The following BBS9 variants were observed in gnomAD, a reference collection of about 807,000 sequenced individuals.
BBS9 encodes protein PTHB1.
In BBS9, 89 loss-of-function variants were observed where a neutral mutation model predicts 117.7. The ratio of observed to expected loss-of-function variants is 0.76; its 90% CI spans 0.64 to 0.90. The LOEUF (loss-of-function observed/expected upper bound fraction) is 0.90. Among genes scored for constraint, BBS9 ranks in the 40% least tolerant of loss-of-function variants. The pLI, the probability that BBS9 is intolerant of heterozygous loss-of-function variation, is 0.00. For missense variants in BBS9, 982 were observed against 1,042.2 expected (o/e 0.94, Z 0.80); for synonymous variants, 379 against 370.9 (o/e 1.02, Z -0.25).
chr7:33,502,585 C>G (rs138479149), intron 19 of BBS9, among the ~76,000 whole-genome samples: 2 of 152,276 alleles, frequency 1.3e-5, no homozygotes, highest in East Asian at 3.9e-4. Context: ...CCATGTGTGA[C>G]AGCTGGCTTG....
At chr7:33,526,961 C>T (rs1454547182) in intron 20 of BBS9, among the ~76,000 whole-genome samples, 2 of 148,082 alleles carry the variant, frequency 1.4e-5, no homozygotes, top group Non-Finnish European at 3.0e-5. Flanking sequence ...AGTTTTCCTT[C>T]TAACAGACAG....
chr7:33,302,482 A>AT (rs1806686408), intron 9 of BBS9, among the ~76,000 whole-genome samples: 1 of 152,128 alleles, frequency 6.6e-6, no homozygotes, highest in South Asian at 2.1e-4. Flanking sequence ...GTCTAGTTTC[A>AT]TTTTTTGCAT....
At chr7:33,250,358 T>A (rs1035138200) in intron 5 of BBS9, among the ~76,000 whole-genome samples, 10 of 152,224 alleles carry the variant, frequency 6.6e-5, no homozygotes, top group Admixed American at 6.5e-4. Context: ...TGTTGTTCCA[T>A]ATTTCTTACA....
At chr7:33,220,426 C>T (rs1004996346) in intron 5 of BBS9, among the ~76,000 whole-genome samples, 2 of 152,170 alleles carry the variant, frequency 1.3e-5, no homozygotes. Context: ...AGGTTATTTC[C>T]AGTCGACCCG....
intron 21 of BBS9, among the ~76,000 whole-genome samples, chr7:33,612,890 T>C (rs980441248): frequency 6.6e-6 from 1 of 152,116 alleles, no homozygotes; most frequent in African/African-American, 2.4e-5. Context: ...CCTGGTCCTC[T>C]TGAAAAGGTG....
chr7:33,426,016 T>C (rs1833608081), intron 19 of BBS9, among the ~76,000 whole-genome samples: 1 of 152,064 alleles, frequency 6.6e-6, no homozygotes, highest in South Asian at 2.1e-4. Context: ...AAATTTAGAC[T>C]AAAATAAACC....
chr7:33,418,736 G>A (rs902570815), intron 19 of BBS9, among the ~76,000 whole-genome samples: 8 of 152,172 alleles, frequency 5.3e-5, no homozygotes, highest in Admixed American at 4.6e-4. Flanking sequence ...TGCAGGAGAA[G>A]CCTTTCCCAG....
chr7:33,331,247 AT>A (rs1228326136), intron 9 of BBS9, among the ~76,000 whole-genome samples: 1 of 152,192 alleles, frequency 6.6e-6, no homozygotes, highest in East Asian at 1.9e-4. Flanking sequence ...TCTCAATAAA[AT>A]AGGCATAGAA....
chr7:33,295,721 G>T (rs538325160), intron 9 of BBS9, among the ~76,000 whole-genome samples: 3 of 151,962 alleles, frequency 2.0e-5, no homozygotes, highest in African/African-American at 7.2e-5. Flanking sequence ...GATAAATCAA[G>T]AAAAATTTAT....
intron 17 of BBS9, among the ~76,000 whole-genome samples, chr7:33,375,242 A>G (rs1035347869): frequency 6.6e-6 from 1 of 152,186 alleles, no homozygotes; most frequent in South Asian, 2.1e-4. Context: ...CCACTGAGCT[A>G]CTATTGCAAG....
intron 21 of BBS9, among the ~76,000 whole-genome samples, chr7:33,565,991 G>A (rs1226998965): frequency 6.7e-6 from 1 of 149,202 alleles, no homozygotes; most frequent in Non-Finnish European, 1.5e-5. Flanking sequence ...TTACTATTGG[G>A]GAAAAAAAAT....
At chr7:33,478,178 C>G (rs1025105279) in intron 19 of BBS9, among the ~76,000 whole-genome samples, 3 of 151,906 alleles carry the variant, frequency 2.0e-5, no homozygotes, top group African/African-American at 4.8e-5. Flanking sequence ...AGTTGTGAAC[C>G]TTTTTTTGAG....
chr7:33,296,251 A>G (rs139610555), intron 9 of BBS9, among the ~76,000 whole-genome samples: 1 of 152,292 alleles, frequency 6.6e-6, no homozygotes, highest in East Asian at 1.9e-4. Flanking sequence ...TTCTGAACAT[A>G]TCTTGGAATC....
At chr7:33,336,678 C>T in intron 10 of BBS9, 56 bp downstream of exon 10, 1 of 1,168,266 alleles carries the variant, frequency 8.6e-7, no homozygotes, top group Non-Finnish European at 1.2e-6. Flanking sequence ...TTCATATTAT[C>T]TTGTAGATAG....
chr7:33,206,570 C>T (rs1182811805), intron 5 of BBS9, among the ~76,000 whole-genome samples: 1 of 151,968 alleles, frequency 6.6e-6, no homozygotes. Context: ...GCTCTGTCTC[C>T]TTCTCTCCCT....
chr7:33,555,964 CGT>C (rs1295007578), intron 21 of BBS9, among the ~76,000 whole-genome samples: 1 of 152,030 alleles, frequency 6.6e-6, no homozygotes, highest in African/African-American at 2.4e-5. Context: ...TTGCTATGTA[CGT>C]GTGTTTTAAG....
At chr7:33,172,343 T>C (rs943576911) in intron 4 of BBS9, among the ~76,000 whole-genome samples, 1 of 151,220 alleles carries the variant, frequency 6.6e-6, no homozygotes, top group Non-Finnish European at 1.5e-5. Flanking sequence ...ATCGTGCCAC[T>C]GCACTCCAGC....
intron 9 of BBS9, among the ~76,000 whole-genome samples, chr7:33,318,104 A>G (rs182982288): frequency 5.1e-4 from 77 of 152,252 alleles, no homozygotes; most frequent in African/African-American, 1.8e-3. Context: ...ACAAAACAAA[A>G]CAAGATAACA....
intron 9 of BBS9, among the ~76,000 whole-genome samples, chr7:33,289,478 T>G (rs1803572892): frequency 6.6e-6 from 1 of 152,210 alleles, no homozygotes; most frequent in Non-Finnish European, 1.5e-5. Flanking sequence ...TTTCTTTTTA[T>G]TTGAGAGAAA....
Sources: gnomAD v4.1 joint callset for allele counts (sites outside exome capture counted in the v4.1 genomes callset) on GRCh38, gnomAD v4.1.1 for gene constraint, MANE v1.5 for transcripts, NCBI Gene and HGNC (gene_info 2026-07-23, HGNC 2026-07-21) for gene names.